SRGAP3: variants seen among roughly 807,000 people sequenced by gnomAD.
SRGAP3 encodes SLIT-ROBO Rho GTPase activating protein 3.
In SRGAP3, 39 loss-of-function variants were observed where a neutral mutation model predicts 121.1. The observed-to-expected ratio is 0.32, with a 90% confidence interval of 0.25 to 0.42. The LOEUF is 0.42. Among genes scored for constraint, SRGAP3 ranks in the 10% least tolerant of loss-of-function variants. The pLI is 1.00. For missense variants in SRGAP3, 1,213 were observed against 1,470.6 expected, an observed-to-expected ratio of 0.82 and a Z score of 2.86; for synonymous variants, 601 against 570.0, an observed-to-expected ratio of 1.05 and a Z score of -0.77.
intron 14 of SRGAP3, among the ~76,000 whole-genome samples, chr3:9,019,169 T>G (rs1943787533): frequency 6.6e-6 from 1 of 152,214 alleles, no homozygotes; most frequent in South Asian, 2.1e-4. Flanking sequence ...ATTGCCACAG[T>G]GAATAGTCTT....
chr3:9,067,527 T>C (rs17050001), intron 4 of SRGAP3, among the ~76,000 whole-genome samples: 26,878 of 152,004 alleles, frequency 0.18, 2,766 homozygotes, highest in East Asian at 0.43. Flanking sequence ...ATGTGCCATA[T>C]TGATGCGTTC....
intron 1 of SRGAP3, chr3:9,349,216 C>T (rs2029928906): frequency 1.5e-6 from 1 of 656,468 alleles, no homozygotes; most frequent in Admixed American, 1.9e-5. Context: ...GGCTACTGTC[C>T]CCAGGAGCAC....
chr3:9,080,115 G>A (rs749678988), intron 3 of SRGAP3, 28 bp from the exon 4 acceptor site: 58 of 1,612,946 alleles, frequency 3.6e-5, no homozygotes, highest in Middle Eastern at 1.6e-4. Flanking sequence ...AAATGTCAGC[G>A]GGGGAGAAGT....
intron 1 of SRGAP3, among the ~76,000 whole-genome samples, chr3:9,200,873 C>G (rs747762628): frequency 5.6e-4 from 85 of 152,208 alleles, no homozygotes; most frequent in Non-Finnish European, 9.0e-4. Context: ...GACACACACT[C>G]TCATTTAAAA....
chr3:9,079,031 C>T (rs1261293749), intron 4 of SRGAP3, among the ~76,000 whole-genome samples: 3 of 152,078 alleles, frequency 2.0e-5, no homozygotes, highest in Admixed American at 1.3e-4. Flanking sequence ...AGGAATTTAC[C>T]ACCTGCTGGC....
chr3:9,211,271 G>A (rs1215720722), intron 1 of SRGAP3, among the ~76,000 whole-genome samples: 2 of 152,190 alleles, frequency 1.3e-5, no homozygotes, highest in African/African-American at 4.8e-5. Flanking sequence ...CCCAGCTGAA[G>A]ATACCACATC....
intron 1 of SRGAP3, among the ~76,000 whole-genome samples, chr3:9,336,114 C>T (rs1207732855): frequency 6.6e-6 from 1 of 151,922 alleles, no homozygotes; most frequent in Non-Finnish European, 1.5e-5. Flanking sequence ...TCAAATATAC[C>T]AGTATTTTGG....
chr3:9,210,981 G>T (rs772563142), intron 1 of SRGAP3, among the ~76,000 whole-genome samples: 6 of 152,070 alleles, frequency 3.9e-5, no homozygotes, highest in Non-Finnish European at 7.4e-5. Flanking sequence ...AAAAAAATCC[G>T]GAGGATTATA....
chr3:9,307,238 T>C lies in SRGAP3; in HGVS notation n.442+18772A>G, dbSNP rs183824349. Reference sequence around the variant, plus strand: ...ATCCACCCACCTCAGCCTCCCAAAGTGCTGGGATTACAGGCATGAGCCACT... The same window carrying C: ...ATCCACCCACCTCAGCCTCCCAAAGCGCTGGGATTACAGGCATGAGCCACT... On this transcript the variant is annotated intron_variant and non_coding_transcript_variant, in intron 3 of 3. Coordinates refer to the SRGAP3 transcript ENST00000490889. 2.8e-3 allele frequency among the ~76,000 whole-genome samples: 420 copies of C among 152,314 alleles called. 2 individuals carry two copies. The highest frequency in any genetic ancestry group is 9.7e-3 in the African/African-American group (402 of 41,576).
At chr3:9,121,457 C>A (rs1327816300) in intron 2 of SRGAP3, among the ~76,000 whole-genome samples, 1 of 152,180 alleles carries the variant, frequency 6.6e-6, no homozygotes, top group Non-Finnish European at 1.5e-5. Context: ...AAGGGTGAGT[C>A]CAGCCTGCCC....
intron 3 of SRGAP3, among the ~76,000 whole-genome samples, chr3:9,275,444 C>A (rs2125262497): frequency 6.6e-6 from 1 of 152,180 alleles, no homozygotes; most frequent in East Asian, 1.9e-4. Context: ...TCATTCTTAC[C>A]CAAGCAGTAG....
intron 3 of SRGAP3, among the ~76,000 whole-genome samples, chr3:9,295,893 A>G (rs1021608978): frequency 6.6e-6 from 1 of 152,206 alleles, no homozygotes; most frequent in Non-Finnish European, 1.5e-5. Context: ...AATCATATAC[A>G]TATACCCTTT....
At chr3:9,096,937 G>GTATATATATATATA (rs58305278) in intron 3 of SRGAP3, among the ~76,000 whole-genome samples, 7 of 61,310 alleles carry the variant, frequency 1.1e-4, no homozygotes, top group African/African-American at 1.4e-4. Context: ...ACATTATTTT[G>GTATATATATATATA]TATATATATA....
chr3:9,195,562 C>T (rs550015915), intron 1 of SRGAP3, among the ~76,000 whole-genome samples: 3 of 152,308 alleles, frequency 2.0e-5, no homozygotes, highest in Admixed American at 6.5e-5. Context: ...GCTCCTCCCC[C>T]TCCCCATCCT....
intron 1 of SRGAP3, among the ~76,000 whole-genome samples, chr3:9,173,356 A>C (rs1015983104): frequency 6.6e-6 from 1 of 152,190 alleles, no homozygotes; most frequent in Admixed American, 6.5e-5. Context: ...TTGCCAGTGA[A>C]AGCACTACCC....
chr3:9,255,685 C>A (rs1245127035), intron 3 of SRGAP3, among the ~76,000 whole-genome samples: 1 of 152,044 alleles, frequency 6.6e-6, no homozygotes, highest in East Asian at 1.9e-4. Flanking sequence ...AAGAGGTGAG[C>A]CCCAGGAGCT....
chr3:9,317,185 C>T (rs1955363543), intron 3 of SRGAP3, among the ~76,000 whole-genome samples: 2 of 152,196 alleles, frequency 1.3e-5, no homozygotes, highest in South Asian at 4.1e-4. Flanking sequence ...AGCGCCTTTG[C>T]TCTGCAGCCT....
intron 21 of SRGAP3, among the ~76,000 whole-genome samples, chr3:8,986,513 C>T (rs1048678304): frequency 6.6e-6 from 1 of 152,198 alleles, no homozygotes; most frequent in African/African-American, 2.4e-5. Context: ...ATGCTCATGT[C>T]ACACAGGAGG....
intron 3 of SRGAP3, among the ~76,000 whole-genome samples, chr3:9,254,939 GAA>G (rs1365957581): frequency 7.0e-6 from 1 of 143,646 alleles, no homozygotes; most frequent in Non-Finnish European, 1.5e-5. Context: ...GAAAGAAAAA[GAA>G]AGAAAGAAAG....
Sources: gnomAD v4.1 joint callset for allele counts (sites outside exome capture counted in the v4.1 genomes callset) on GRCh38, gnomAD v4.1.1 for gene constraint, MANE v1.5 for transcripts, NCBI Gene and HGNC (gene_info 2026-07-23, HGNC 2026-07-21) for gene names.